Variants in CSMD1 observed in about 807,000 individuals in gnomAD.
CSMD1 encodes the protein CUB and Sushi multiple domains 1.
In CSMD1, 213 loss-of-function variants were observed where a neutral mutation model predicts 417.5. That is an observed-to-expected ratio of 0.51 (90% CI 0.46 to 0.57). CSMD1 has a LOEUF of 0.57. Ranked by LOEUF, CSMD1 falls within the 20% of genes least tolerant of loss-of-function variation. The pLI is 0.00. For missense variants in CSMD1, 6,923 were observed against 4,529.7 expected, an observed-to-expected ratio of 1.53 and a Z score of -15.17; for synonymous variants, 2,862 against 1,736.8, an observed-to-expected ratio of 1.65 and a Z score of -16.11.
At chr8:4,723,852 G>C (rs1563223076) in intron 1 of CSMD1, among the ~76,000 whole-genome samples, 1 of 150,832 alleles carries the variant, frequency 6.6e-6, no homozygotes, top group African/African-American at 2.4e-5. Flanking sequence ...ACCTTGTAAG[G>C]TGTTCCCATT....
intron 1 of CSMD1, among the ~76,000 whole-genome samples, chr8:4,704,688 T>C (rs1355816340): frequency 6.6e-6 from 1 of 152,242 alleles, no homozygotes; most frequent in Non-Finnish European, 1.5e-5. Context: ...CCAAAAGTAT[T>C]TTGTTTGTTT....
At position 4,601,524 on chromosome 8, in the gene CSMD1, G is replaced by T. The variant is rs528947402; in HGVS notation, c.302+35818C>A. On this transcript the variant is annotated intron_variant, in intron 2 of 69. Coordinates refer to ENST00000635120, the MANE Select transcript of CSMD1 (RefSeq NM_033225.6). ...GACAAGGAGGGACAGAGATCATAAA[G>T]GAACTTCTATGGTCATACAGATGAT... Among the ~76,000 whole-genome samples the T allele has an allele frequency of 3.6e-4, 55 of 152,260 alleles. No homozygotes were observed. In the South Asian group the frequency reaches 0.011, roughly 30 times the overall value.
intron 12 of CSMD1, among the ~76,000 whole-genome samples, chr8:3,465,212 G>A (rs559212417): frequency 1.3e-5 from 2 of 152,152 alleles, no homozygotes; most frequent in South Asian, 4.1e-4. Flanking sequence ...CACTCACTGT[G>A]ATTTTCAGGG....
At chr8:3,187,733 C>G (rs915933953) in intron 36 of CSMD1, 136 bp downstream of exon 36, 2 of 643,872 alleles carry the variant, frequency 3.1e-6, no homozygotes, top group Admixed American at 5.0e-5. Context: ...AGACTTTCAG[C>G]ACTAGAGCAA....
In CSMD1 at chr8:3,152,508, C is replaced by A. The variant is rs748819997; in HGVS notation, c.5915-995G>T. 3.9e-5 allele frequency among the ~76,000 whole-genome samples: 6 copies of A among 152,050 alleles called. No homozygotes were observed. The East Asian group carries it at 1.2e-3, about 29-fold the overall frequency. On this transcript the variant is annotated intron_variant, in intron 39 of 69. Transcript: ENST00000635120. ...AGGCCCCCTAGGACCTGTGGTGAAG[C>A]CTTTTTCTTTTTTAATCATCATCAA...
At chr8:3,119,642 C>T (rs1033598462) in intron 41 of CSMD1, among the ~76,000 whole-genome samples, 1 of 152,144 alleles carries the variant, frequency 6.6e-6, no homozygotes, top group Non-Finnish European at 1.5e-5. Context: ...GCTAAATGAG[C>T]CTCTCGCCCA....
At chr8:3,035,836 T>A (rs1205262042) in intron 50 of CSMD1, among the ~76,000 whole-genome samples, 1 of 152,238 alleles carries the variant, frequency 6.6e-6, no homozygotes, top group Non-Finnish European at 1.5e-5. Flanking sequence ...TTATATTTCT[T>A]CTTTTTTATT....
chr8:3,554,761 G>A (rs971456732), intron 10 of CSMD1, among the ~76,000 whole-genome samples: 1 of 152,188 alleles, frequency 6.6e-6, no homozygotes, highest in African/African-American at 2.4e-5. Context: ...TCAGAGCGGG[G>A]GAGGGAGTAA....
At chr8:3,807,520 T>G (rs781504380) in intron 5 of CSMD1, among the ~76,000 whole-genome samples, 9 of 152,194 alleles carry the variant, frequency 5.9e-5, no homozygotes, top group Non-Finnish European at 1.2e-4. Context: ...AGGGCAGAGC[T>G]TCAACAGATA....
intron 7 of CSMD1, among the ~76,000 whole-genome samples, chr8:3,680,872 G>T (rs1257559285): frequency 1.3e-5 from 2 of 152,156 alleles, no homozygotes; most frequent in Admixed American, 1.3e-4. Context: ...TGGGATGCAA[G>T]GCTGGTTCAA....
intron 12 of CSMD1, among the ~76,000 whole-genome samples, chr8:3,435,917 C>T (rs893362819): frequency 1.3e-5 from 2 of 152,218 alleles, no homozygotes; most frequent in African/African-American, 4.8e-5. Context: ...TCCCCTATAG[C>T]TTAGTCTGGT....
chr8:3,946,059 T>A (rs540930894), intron 5 of CSMD1, among the ~76,000 whole-genome samples: 80 of 152,298 alleles, frequency 5.3e-4, no homozygotes, highest in Non-Finnish European at 8.2e-4. Flanking sequence ...TTTCTTTCAA[T>A]ACTAACGTAA....
chr8:3,351,598 CAAA>C (rs10718608), intron 21 of CSMD1, among the ~76,000 whole-genome samples: 14 of 124,238 alleles, frequency 1.1e-4, no homozygotes, highest in Non-Finnish European at 2.2e-4. Context: ...GACTCTGTTT[CAAA>C]AAAAAAAAAA....
At chr8:4,082,514 A>C (rs149349388) in intron 3 of CSMD1, among the ~76,000 whole-genome samples, 1 of 152,280 alleles carries the variant, frequency 6.6e-6, no homozygotes, top group South Asian at 2.1e-4. Context: ...CAAAGACCTA[A>C]AAAATAAAAC....
chr8:4,700,285 T>G (rs1350095339), intron 1 of CSMD1, among the ~76,000 whole-genome samples: 1 of 152,072 alleles, frequency 6.6e-6, no homozygotes, highest in Non-Finnish European at 1.5e-5. Context: ...ATTTTGTGAG[T>G]ATTATAAACC....
At chr8:3,360,313 T>C (rs910472160) in intron 20 of CSMD1, among the ~76,000 whole-genome samples, 3 of 152,256 alleles carry the variant, frequency 2.0e-5, no homozygotes, top group Admixed American at 6.5e-5. Context: ...TCAGCACTGA[T>C]ATCTCACTTC....
intron 30 of CSMD1, among the ~76,000 whole-genome samples, chr8:3,208,250 A>C (rs893424223): frequency 6.6e-6 from 1 of 152,192 alleles, no homozygotes. Context: ...TTTGATTCCC[A>C]AATTATTAGC....
chr8:3,559,657 C>T (rs1799384961), intron 10 of CSMD1, among the ~76,000 whole-genome samples: 1 of 152,086 alleles, frequency 6.6e-6, no homozygotes, highest in African/African-American at 2.4e-5. Context: ...AAGGTCTTCA[C>T]TTTCTGCTTC....
At chr8:4,939,971 G>T (rs897564763) in intron 1 of CSMD1, among the ~76,000 whole-genome samples, 1 of 152,120 alleles carries the variant, frequency 6.6e-6, no homozygotes, top group African/African-American at 2.4e-5. Context: ...GGGAAAACTT[G>T]AAAAATCTTC....
Sources: gnomAD v4.1 joint callset for allele counts (sites outside exome capture counted in the v4.1 genomes callset) on GRCh38, gnomAD v4.1.1 for gene constraint, MANE v1.5 for transcripts, NCBI Gene and HGNC (gene_info 2026-07-23, HGNC 2026-07-21) for gene names.